The following PRKCH variants were observed in gnomAD, a reference collection of about 807,000 sequenced individuals.
PRKCH encodes the protein protein kinase C eta type.
In PRKCH, 28 loss-of-function variants were observed where a neutral mutation model predicts 82.5. That is an observed-to-expected ratio of 0.34 (90% CI 0.25 to 0.47). The LOEUF (loss-of-function observed/expected upper bound fraction) is 0.47. Ranked by LOEUF, PRKCH falls within the 20% of genes least tolerant of loss-of-function variation. The probability of loss-of-function intolerance (pLI) is 1.00; values close to 1 mark genes in which losing one functional copy is unlikely to be tolerated. For synonymous variants in PRKCH, 322 were observed against 327.4 expected (o/e 0.98, Z 0.18); for missense variants, 705 against 881.8 (o/e 0.80, Z 2.54).
At chr14:61,353,594 C>T (rs1173634375) in intron 1 of PRKCH, 1 of 152,060 alleles carries the variant, frequency 6.6e-6, no homozygotes, top group Non-Finnish European at 1.5e-5. Flanking sequence ...GGAGCCACTT[C>T]CTCCTGGATG....
intron 9 of PRKCH, among the ~76,000 whole-genome samples, chr14:61,477,417 T>C (rs4902061): frequency 0.3 from 44,906 of 152,196 alleles, 6,940 homozygotes; most frequent in East Asian, 0.51. Flanking sequence ...GTTTCTGGAA[T>C]GATACATCTT....
intron 1 of PRKCH, among the ~76,000 whole-genome samples, chr14:61,339,499 A>G (rs1287078533): frequency 6.9e-6 from 1 of 144,364 alleles, no homozygotes; most frequent in African/African-American, 2.6e-5. Flanking sequence ...AATTTTTTGT[A>G]TTTTTAGTAG....
intron 1 of PRKCH, among the ~76,000 whole-genome samples, chr14:61,265,566 A>G (rs1306297177): frequency 6.6e-6 from 1 of 152,244 alleles, no homozygotes; most frequent in East Asian, 1.9e-4. Context: ...AGGTATTGGC[A>G]GAAAATGGAC....
intron 1 of PRKCH, among the ~76,000 whole-genome samples, chr14:61,325,489 C>A (rs568481743): frequency 5.9e-5 from 9 of 152,246 alleles, no homozygotes; most frequent in African/African-American, 1.9e-4. Context: ...GGATTATAGA[C>A]CTAAATGTAA....
At chr14:61,269,350 T>G (rs2045131700) in intron 1 of PRKCH, among the ~76,000 whole-genome samples, 1 of 141,856 alleles carries the variant, frequency 7.0e-6, no homozygotes, top group African/African-American at 3.1e-5. Flanking sequence ...CCAGGAATTT[T>G]AATTAATTAA....
chr14:61,407,856 G>A (rs769725168), intron 2 of PRKCH, among the ~76,000 whole-genome samples: 3 of 152,170 alleles, frequency 2.0e-5, no homozygotes, highest in African/African-American at 7.2e-5. Flanking sequence ...GCTGAAATCA[G>A]CCTGCAGACC....
At chr14:61,292,769 T>A (rs1393146784) in intron 1 of PRKCH, among the ~76,000 whole-genome samples, 1 of 43,014 alleles carries the variant, frequency 2.3e-5, no homozygotes, top group Non-Finnish European at 5.0e-5. Context: ...AGACTCCATC[T>A]CCAAAAAAAA....
chr14:61,525,988 G>A (rs555128432), intron 10 of PRKCH, among the ~76,000 whole-genome samples: 1 of 152,314 alleles, frequency 6.6e-6, no homozygotes, highest in South Asian at 2.1e-4. Flanking sequence ...AGTCCCAGAG[G>A]AGCCAGGCAC....
At chr14:61,407,089 G>A (rs1223243568) in intron 2 of PRKCH, among the ~76,000 whole-genome samples, 2 of 152,142 alleles carry the variant, frequency 1.3e-5, no homozygotes, top group Non-Finnish European at 2.9e-5. Flanking sequence ...TTTACATGGT[G>A]GGCAGGAATA....
At chr14:61,407,766 G>C (rs767756) in intron 2 of PRKCH, among the ~76,000 whole-genome samples, 1 of 152,186 alleles carries the variant, frequency 6.6e-6, no homozygotes, top group African/African-American at 2.4e-5. Flanking sequence ...CTGATATGCA[G>C]AATATTGACT....
At chr14:61,468,088 G>C (rs1412968773) in intron 9 of PRKCH, among the ~76,000 whole-genome samples, 1 of 152,220 alleles carries the variant, frequency 6.6e-6, no homozygotes, top group Admixed American at 6.5e-5. Context: ...ACTGTCATTA[G>C]ACGGGAATAG....
At chr14:61,238,068 G>C (rs2044805959) in intron 1 of PRKCH, among the ~76,000 whole-genome samples, 1 of 152,248 alleles carries the variant, frequency 6.6e-6, no homozygotes, top group South Asian at 2.1e-4. Context: ...CATCCAGTTA[G>C]GTTAGGGTTC....
intron 10 of PRKCH, among the ~76,000 whole-genome samples, chr14:61,507,507 G>A (rs900458493): frequency 2.0e-5 from 3 of 152,106 alleles, no homozygotes; most frequent in South Asian, 2.1e-4. Context: ...CGTTATTCAC[G>A]ATAGTCAAAA....
chr14:61,537,796 G>C (rs1347363560), intron 12 of PRKCH: 1 of 152,238 alleles, frequency 6.6e-6, no homozygotes, highest in Non-Finnish European at 1.5e-5. Flanking sequence ...AGATTATAAA[G>C]TGCTTTTGTT....
chr14:61,530,517 C>A lies in PRKCH; in HGVS notation c.1683C>A (p.Asp561Glu), dbSNP rs980903183. ...HAPFEAENEDDLFEAILNDEV... is the reference protein window; with the variant it reads ...HAPFEAENEDELFEAILNDEV... ...CTTTTGAGGCAGAGAACGAAGATGA[C>A]CTCTTTGAGGCCATACTGAATGATG... Residue 561 changes from aspartate to glutamate, a missense_variant, in exon 12 of 14, where the codon GAC becomes GAA. By Grantham distance (45) the Asp-to-Glu change is conservative. Around this residue, in one of 5 missense-constraint regions of PRKCH, gnomAD observed 115 missense variants for 193.8 expected, o/e 0.59. Transcript: ENST00000332981. The A allele has an allele frequency of 7.4e-6, 12 of 1,612,272 alleles. No individual in the cohort carries two copies. The highest frequency in any genetic ancestry group is 3.3e-5 in the Admixed American group (2 of 59,710).
chr14:61,244,299 G>A (rs564871667), intron 1 of PRKCH, among the ~76,000 whole-genome samples: 3 of 152,274 alleles, frequency 2.0e-5, no homozygotes, highest in Admixed American at 6.5e-5. Flanking sequence ...GCTGAGGAGT[G>A]CAAAGCTGGG....
In PRKCH at chr14:61,458,111, C is replaced by A. The variant is rs569676503; in HGVS notation, c.1278+432C>A. Among the ~76,000 whole-genome samples the A allele has an allele frequency of 1.6e-3, 238 of 152,280 alleles. 1 individual carries two copies. Among genetic ancestry groups the A allele is most frequent in the Non-Finnish European group, 2.5e-3 (172 of 68,020 alleles). On this transcript the variant is annotated intron_variant, in intron 9 of 13. Coordinates refer to ENST00000332981, the MANE Select transcript of PRKCH (RefSeq NM_006255.5). ...GTTTAGAAGAGGGGTCTGAGAGGAC[C>A]CAGAGAGGTACCTTGATTTGGAACA...
At chr14:61,196,830 G>T (rs962280826) in intron 1 of PRKCH, among the ~76,000 whole-genome samples, 1 of 152,142 alleles carries the variant, frequency 6.6e-6, no homozygotes, top group South Asian at 2.1e-4. Context: ...AGAAGATTCA[G>T]CAATAAGAAG....
intron 1 of PRKCH, among the ~76,000 whole-genome samples, chr14:61,207,481 C>T (rs909163707): frequency 1.3e-5 from 2 of 152,164 alleles, no homozygotes; most frequent in African/African-American, 4.8e-5. Flanking sequence ...TCTGCCCATA[C>T]CACCCAATTC....
Sources: gnomAD v4.1 joint callset for allele counts (sites outside exome capture counted in the v4.1 genomes callset) on GRCh38, gnomAD v4.1.1 for gene constraint, gnomAD v4.1.1 regional missense constraint, MANE v1.5 for transcripts, NCBI Gene and HGNC (gene_info 2026-07-23, HGNC 2026-07-21) for gene names.